The following PCLO variants were observed in gnomAD, a reference collection of about 807,000 sequenced individuals.
PCLO encodes piccolo presynaptic cytomatrix protein, also known as protein piccolo.
PCLO carries 82 observed loss-of-function variants against 427.5 expected under a neutral mutation model. The ratio of observed to expected loss-of-function variants is 0.19; its 90% CI spans 0.16 to 0.23. The LOEUF (loss-of-function observed/expected upper bound fraction) is 0.23, where lower values mean the gene tolerates loss of function less well. PCLO is among the 10% of genes least tolerant of loss of function. The pLI, the probability that PCLO is intolerant of heterozygous loss-of-function variation, is 1.00. For missense variants in PCLO, 6,239 were observed against 6,115.9 expected, an observed-to-expected ratio of 1.02 and a Z score of -0.67; for synonymous variants, 2,357 against 2,155.4, an observed-to-expected ratio of 1.09 and a Z score of -2.59.
At chr7:83,108,508 T>C (rs1284998772) in intron 3 of PCLO, among the ~76,000 whole-genome samples, 1 of 152,044 alleles carries the variant, frequency 6.6e-6, no homozygotes, top group East Asian at 1.9e-4. Context: ...AAATTTTATA[T>C]ACAAATTTTA....
At chr7:82,985,243 T>C (rs80297287) in intron 3 of PCLO, among the ~76,000 whole-genome samples, 3,096 of 152,126 alleles carry the variant, frequency 0.02, 120 homozygotes, top group African/African-American at 0.071. Flanking sequence ...AAGGTAATAG[T>C]ATATAGGCTC....
chr7:82,796,166 A>G (rs2129468529), intron 22 of PCLO, among the ~76,000 whole-genome samples: 1 of 152,312 alleles, frequency 6.6e-6, no homozygotes, highest in East Asian at 1.9e-4. Context: ...CCAGAGATGA[A>G]TCTGGCTTAG....
intron 1 of PCLO, among the ~76,000 whole-genome samples, chr7:83,161,173 T>C (rs1156443830): frequency 1.3e-5 from 2 of 152,162 alleles, no homozygotes; most frequent in African/African-American, 4.8e-5. Context: ...CCATAAAACA[T>C]TTTACATTTC....
At position 83,072,577 on chromosome 7, in the gene PCLO, C is replaced by G. The variant is rs549378220; in HGVS notation, c.3300+61673G>C. Among the ~76,000 whole-genome samples the G allele has an allele frequency of 7.0e-4, 106 of 152,078 alleles. 1 individual carries two copies. The South Asian group carries it at 0.021, about 30-fold the overall frequency. ...GATAATGATTCCAGTCTTGACTTTG[C>G]CATTATCTCTGAGACCTTGGCCATA... On this transcript the variant is annotated intron_variant, in intron 3 of 24. Coordinates refer to ENST00000333891, the MANE Select transcript of PCLO (RefSeq NM_033026.6).
At chr7:82,918,026 T>A (rs1287060053) in intron 6 of PCLO, among the ~76,000 whole-genome samples, 1 of 152,024 alleles carries the variant, frequency 6.6e-6, no homozygotes, top group African/African-American at 2.4e-5. Context: ...GTTCCCTTAA[T>A]AGACATCATA....
chr7:83,105,956 G>GTTT (rs1237679703), intron 3 of PCLO, among the ~76,000 whole-genome samples: 54 of 152,026 alleles, frequency 3.6e-4, no homozygotes, highest in African/African-American at 1.3e-3. Flanking sequence ...TTGTTTGTTT[G>GTTT]GAGTACAGAA....
intron 3 of PCLO, among the ~76,000 whole-genome samples, chr7:83,086,533 CTG>C (rs1157537900): frequency 1.3e-5 from 2 of 152,000 alleles, no homozygotes; most frequent in African/African-American, 2.4e-5. Context: ...TAATACCTGA[CTG>C]TTTTTTATTT....
intron 7 of PCLO, among the ~76,000 whole-genome samples, chr7:82,914,146 C>T (rs1017957275): frequency 2.0e-5 from 3 of 151,858 alleles, no homozygotes; most frequent in African/African-American, 2.4e-5. Flanking sequence ...CTACATTATA[C>T]TAACATCAAG....
intron 3 of PCLO, among the ~76,000 whole-genome samples, chr7:83,103,747 A>G (rs2116496284): frequency 6.6e-6 from 1 of 152,102 alleles, no homozygotes; most frequent in Non-Finnish European, 1.5e-5. Context: ...AGAGTAAATC[A>G]CAATATACAA....
chr7:83,144,540 T>C (rs1368407273), intron 2 of PCLO, among the ~76,000 whole-genome samples: 3 of 152,190 alleles, frequency 2.0e-5, no homozygotes, highest in Non-Finnish European at 4.4e-5. Flanking sequence ...CTTACAACTG[T>C]CAATTATTAA....
Position 82,915,699 on chromosome 7 carries a change from G to C in PCLO, c.12287C>G (p.Ala4096Gly). 1 of 1,612,746 alleles carries C rather than the reference G, an allele frequency of 6.2e-7. No homozygotes were observed. The highest frequency in any genetic ancestry group is 8.5e-7 in the Non-Finnish European group (1 of 1,179,294). ...CAATCTAGAGGAAGACTGTAAAGGT[G>C]CTAGGAAATCTGTCACTTCTTGAGA... is the stretch of plus-strand genomic sequence containing the variant. ...RRSQEVTDFL[A>G]PLQSSSRLHS... is the part of the protein sequence containing the mutation. The change falls in exon 7 of 25, where the codon GCA becomes GGA. Residue 4096 changes from alanine (A) to glycine (G), a missense_variant. Physicochemically the swap from Ala to Gly is moderately conservative, Grantham distance 60. Coordinates refer to ENST00000333891, the MANE Select transcript of PCLO (RefSeq NM_033026.6).
intron 3 of PCLO, among the ~76,000 whole-genome samples, chr7:83,029,577 GA>G (rs1171072310): frequency 8.2e-6 from 1 of 121,730 alleles, no homozygotes; most frequent in Non-Finnish European, 1.7e-5. Flanking sequence ...TCTAGAACTA[GA>G]AATACCATTT....
intron 3 of PCLO, among the ~76,000 whole-genome samples, chr7:83,076,506 G>A (rs1188460749): frequency 4.0e-5 from 6 of 151,858 alleles, no homozygotes; most frequent in East Asian, 3.9e-4. Context: ...CAGGTGATCC[G>A]CCTGGCTCAG....
chr7:82,807,288 T>TCAAA (rs1362256508), intron 20 of PCLO, among the ~76,000 whole-genome samples: 21 of 152,214 alleles, frequency 1.4e-4, no homozygotes, highest in Non-Finnish European at 2.1e-4. Flanking sequence ...CTAGATGTGT[T>TCAAA]CAAACCTACA....
intron 18 of PCLO, among the ~76,000 whole-genome samples, chr7:82,824,669 T>C (rs1791890138): frequency 6.6e-6 from 1 of 150,944 alleles, no homozygotes; most frequent in Non-Finnish European, 1.5e-5. Flanking sequence ...ACTAAATTAT[T>C]TGGATATGAT....
At chr7:83,054,994 TGCCTAAA>T (rs970927373) in intron 3 of PCLO, among the ~76,000 whole-genome samples, 1 of 152,132 alleles carries the variant, frequency 6.6e-6, no homozygotes, top group African/African-American at 2.4e-5. Flanking sequence ...TTTGCTGAAA[TGCCTAAA>T]TTAGAGCCAT....
rs768417761 is a variant in PCLO, at chr7:82,956,709, G to A, written c.4244C>T (p.Thr1415Ile). The A allele has an allele frequency of 1.2e-6, 2 of 1,613,508 alleles. No homozygotes were observed. Among genetic ancestry groups the A allele is most frequent in the Non-Finnish European group, 1.7e-6 (2 of 1,179,666 alleles). The change falls in exon 5 of 25, where the codon ACA becomes ATA. Residue 1415 changes from threonine (T) to isoleucine (I), a missense_variant. Transcript: ENST00000333891. ...TTGAGCTTCCAAAATAGATAGGACTGTACTTTCTAACTTAGCCAAATCTGA... is the reference window on the plus strand; with the variant it reads ...TTGAGCTTCCAAAATAGATAGGACTATACTTTCTAACTTAGCCAAATCTGA... ...SPSDLAKLES[T>I]VLSILEAQAS...
Position 82,794,459 on chromosome 7 carries a change from C to CTTTTTT in PCLO, c.15007+7053_15007+7058dup, listed in dbSNP as rs778108792. ...ACATGCTAGTTCATAAATTTTTTTT[C>CTTTTTT]TTTTTTTTTTTTTTTTTTTTTTTTT... On this transcript the variant is annotated intron_variant, in intron 22 of 24. Coordinates refer to ENST00000333891, the MANE Select transcript of PCLO (RefSeq NM_033026.6). Among the ~76,000 whole-genome samples the CTTTTTT allele has an allele frequency of 2.7e-4, 15 of 56,368 alleles. 2 individuals carry two copies. The highest frequency in any genetic ancestry group is 3.3e-4 in the Non-Finnish European group (8 of 24,446). 37.0% of individuals were successfully genotyped at this position (56,368 alleles called of 152,430 possible). A position where few individuals can be genotyped will look rare whatever the true frequency, so the allele number is the denominator to read the frequency against.
rs753122078 is a variant in PCLO at position 82,954,611 on chromosome 7, C to T, written c.6342G>A (p.Ala2114=). The part of the protein sequence containing the change: ...ASLTSSVLSG[A]SLTDSTSSAT... ...CACTGCTGGTCGAATCTGTAAGAGA[C>T]GCTCCTGAGAGAACACTTGATGTCA... Residue 2114 remains alanine, a synonymous_variant, in exon 5 of 25, where the codon GCG becomes GCA. Transcript: ENST00000333891. 7.4e-6 allele frequency: 12 copies of T among 1,613,768 alleles called. No individual in the cohort carries two copies. The highest frequency in any genetic ancestry group is 2.7e-5 in the African/African-American group (2 of 74,896).
Sources: allele counts gnomAD v4.1 joint callset (sites outside exome capture counted in the v4.1 genomes callset), GRCh38; gene constraint gnomAD v4.1.1; transcripts MANE v1.5; gene names NCBI Gene and HGNC (gene_info 2026-07-23, HGNC 2026-07-21).